The following GMPS variants were observed in gnomAD, a reference collection of about 807,000 sequenced individuals.
GMPS encodes the protein GMP synthase [glutamine-hydrolyzing].
A neutral mutation model predicts 77.9 loss-of-function variants in GMPS; 15 were observed. The observed-to-expected ratio is 0.19, with a 90% CI of 0.13 to 0.30. GMPS has a LOEUF of 0.30. GMPS is among the 10% of genes least tolerant of loss of function. The probability of loss-of-function intolerance (pLI) is 1.00; values close to 1 mark genes in which losing one functional copy is unlikely to be tolerated. For synonymous variants in GMPS, 224 were observed against 275.9 expected (o/e 0.81, Z 1.86); for missense variants, 590 against 838.8 (o/e 0.70, Z 3.66).
rs534411439 is a variant in GMPS, at chr3:155,934,094, AG to A, written c.1677-821del. Among the ~76,000 whole-genome samples the A allele has an allele frequency of 2.4e-3, 359 of 152,346 alleles. 1 individual carries two copies. Among genetic ancestry groups the A allele is most frequent in the African/African-American group, 8.4e-3 (351 of 41,592 alleles). Reference sequence around the variant, plus strand: ...GATTGTTTCTCAAGTAGAGAAAAAAAGATGAGTTTACTAATTTTGGGAAATT... The same window carrying A: ...GATTGTTTCTCAAGTAGAGAAAAAAAATGAGTTTACTAATTTTGGGAAATT... On this transcript the variant is annotated intron_variant, in intron 13 of 15. Transcript: ENST00000496455.
At chr3:155,886,587 A>T (rs1303195711) in intron 1 of GMPS, among the ~76,000 whole-genome samples, 1 of 147,424 alleles carries the variant, frequency 6.8e-6, no homozygotes. Flanking sequence ...AAAAAAAAAA[A>T]TCTAGCATGT....
intron 12 of GMPS, 66 bp from the exon 13 acceptor site, chr3:155,931,698 GC>G: frequency 2.3e-6 from 1 of 443,456 alleles, no homozygotes. Context: ...AAAAAAAAAA[GC>G]TTTGTCAAGT....
intron 1 of GMPS, among the ~76,000 whole-genome samples, chr3:155,890,739 A>G (rs1423814887): frequency 6.6e-6 from 1 of 152,188 alleles, no homozygotes; most frequent in African/African-American, 2.4e-5. Context: ...CATCACAACC[A>G]GTTTCCTCAC....
intron 12 of GMPS, among the ~76,000 whole-genome samples, chr3:155,927,283 A>G (rs1476315814): frequency 3.9e-5 from 6 of 152,192 alleles, no homozygotes; most frequent in Admixed American, 3.9e-4. Flanking sequence ...TATTACCCTA[A>G]TATATAAAAA....
intron 3 of GMPS, among the ~76,000 whole-genome samples, 162 bp from the exon 4 acceptor site, chr3:155,903,701 A>G (rs1277261850): frequency 6.6e-6 from 1 of 152,246 alleles, no homozygotes; most frequent in East Asian, 1.9e-4. Context: ...ATAGTTATAT[A>G]TAACAATACC....
intron 3 of GMPS, among the ~76,000 whole-genome samples, chr3:155,901,761 A>T (rs1444761454): frequency 4.0e-4 from 61 of 151,684 alleles, no homozygotes; most frequent in Non-Finnish European, 7.4e-5. Flanking sequence ...TTTATTTGCC[A>T]TTTGTGTTTA....
At chr3:155,907,324 C>T (rs572895839) in intron 5 of GMPS, among the ~76,000 whole-genome samples, 1 of 152,234 alleles carries the variant, frequency 6.6e-6, no homozygotes, top group Admixed American at 6.5e-5. Context: ...GTGGCTCTCA[C>T]CTATAATTCC....
At chr3:155,912,968 G>C (rs1483459338) in intron 7 of GMPS, among the ~76,000 whole-genome samples, 3 of 152,216 alleles carry the variant, frequency 2.0e-5, no homozygotes, top group African/African-American at 7.2e-5. Flanking sequence ...TTCCCCATCA[G>C]AACACTGTGG....
At chr3:155,901,154 C>T (rs1356558336) in intron 3 of GMPS, among the ~76,000 whole-genome samples, 1 of 152,184 alleles carries the variant, frequency 6.6e-6, no homozygotes, top group Non-Finnish European at 1.5e-5. Context: ...CTCTTCCTAT[C>T]AGAGGTGACC....
rs1381481148 is a variant in GMPS, at chr3:155,937,982, T to C, written c.*290T>C. On this transcript the variant is annotated 3_prime_UTR_variant, in exon 16 of 16. Transcript: ENST00000496455. ...TGTATAAATTCACTGTTGATGTCTC[T>C]GTGAATATGTATGAAGGTGGGTGAA... 1 of 305,338 alleles carries C rather than the reference T, an allele frequency of 3.3e-6. No homozygotes were observed. Among genetic ancestry groups the C allele is most frequent in the East Asian group, 4.9e-5 (1 of 20,492 alleles). The allele number at this position is 305,338 out of a possible 1,614,324, so 18.9% of individuals were successfully genotyped here. A position where few individuals can be genotyped will look rare whatever the true frequency, so the allele number is the denominator to read the frequency against.
intron 14 of GMPS, among the ~76,000 whole-genome samples, chr3:155,935,796 G>A (rs1455928268): frequency 6.6e-6 from 1 of 152,150 alleles, no homozygotes; most frequent in Non-Finnish European, 1.5e-5. Context: ...ATGCTGTGAT[G>A]TACCTTACAG....
chr3:155,926,153 A>G (rs775501519), intron 12 of GMPS, among the ~76,000 whole-genome samples: 2 of 152,132 alleles, frequency 1.3e-5, no homozygotes, highest in African/African-American at 4.8e-5. Flanking sequence ...CTGGGACTAC[A>G]GGCAAGCACC....
chr3:155,918,716 A>C (rs1755246023), intron 9 of GMPS, among the ~76,000 whole-genome samples: 1 of 152,104 alleles, frequency 6.6e-6, no homozygotes, highest in South Asian at 2.1e-4. Context: ...TTATTTCATC[A>C]CCCAGGTATT....
chr3:155,870,952 C>T, intron 1 of GMPS, 55 bp downstream of exon 1: 2 of 1,397,948 alleles, frequency 1.4e-6, no homozygotes, highest in Non-Finnish European at 1.9e-6. Context: ...GGCTCCCGGA[C>T]CGGGGAGCCA....
intron 5 of GMPS, among the ~76,000 whole-genome samples, chr3:155,908,078 A>C (rs1466439247): frequency 2.6e-5 from 4 of 152,230 alleles, no homozygotes; most frequent in African/African-American, 9.6e-5. Flanking sequence ...TTAAGGATTA[A>C]GCTGTGATGA....
intron 13 of GMPS, among the ~76,000 whole-genome samples, chr3:155,934,031 C>A (rs1265369037): frequency 6.6e-6 from 1 of 152,096 alleles, no homozygotes; most frequent in Non-Finnish European, 1.5e-5. Context: ...ATTTCAATGG[C>A]CTTTTTAATG....
At position 155,943,343 on chromosome 3, in the gene GMPS, A is replaced by G. The variant is rs1755937925; in HGVS notation, c.*5651A>G. The G allele has an allele frequency of 5.5e-6, 1 of 181,252 alleles. No homozygotes were observed. The highest frequency in any genetic ancestry group is 1.2e-5 in the Non-Finnish European group (1 of 84,898). 11.2% of individuals were successfully genotyped at this position (181,252 alleles called of 1,614,324 possible). ...AGTTTAGGAAATTTGGCTATTGAGT[A>G]TATTAAGTACAACTACAAAATCCTC... On this transcript the variant is annotated 3_prime_UTR_variant, in exon 16 of 16. Coordinates refer to ENST00000496455, the MANE Select transcript of GMPS (RefSeq NM_003875.3).
chr3:155,939,045 G>A lies in GMPS; in HGVS notation c.*1353G>A, dbSNP rs1755828885. 2 of 218,480 alleles carry A rather than the reference G, an allele frequency of 9.2e-6. No individual in the cohort carries two copies. The highest frequency in any genetic ancestry group is 2.2e-5 in the African/African-American group (1 of 44,542). The allele number at this position is 218,480 out of a possible 1,614,324, so 13.5% of individuals were successfully genotyped here. On this transcript the variant is annotated 3_prime_UTR_variant, in exon 16 of 16. Coordinates refer to ENST00000496455, the MANE Select transcript of GMPS (RefSeq NM_003875.3). ...AGTGTTAGACAAACAACAAAATGAT[G>A]CGTGGCAGAAGTCATCTTTTTATTC...
intron 1 of GMPS, among the ~76,000 whole-genome samples, chr3:155,885,519 G>A (rs181663465): frequency 6.6e-6 from 1 of 152,292 alleles, no homozygotes; most frequent in East Asian, 1.9e-4. Context: ...ATCAGGGTAT[G>A]TCTTGTGACT....
Sources: gnomAD v4.1 joint callset for allele counts (sites outside exome capture counted in the v4.1 genomes callset) on GRCh38, gnomAD v4.1.1 for gene constraint, MANE v1.5 for transcripts, NCBI Gene and HGNC (gene_info 2026-07-23, HGNC 2026-07-21) for gene names.